Variants in NTN4 observed in about 807,000 individuals in gnomAD.
The protein encoded by NTN4 is netrin 4.
In NTN4, 32 loss-of-function variants were observed where a neutral mutation model predicts 73.6. The ratio of observed to expected loss-of-function variants is 0.44; its 90% CI spans 0.33 to 0.58. NTN4 has a LOEUF of 0.58. Among genes scored for constraint, NTN4 ranks in the 20% least tolerant of loss-of-function variants. NTN4 has a pLI of 0.04. For synonymous variants in NTN4, 258 were observed against 287.5 expected (o/e 0.90, Z 1.04); for missense variants, 654 against 798.3 (o/e 0.82, Z 2.18).
chr12:95,744,851 T>G (rs74597794), intron 2 of NTN4, among the ~76,000 whole-genome samples: 1 of 121,462 alleles, frequency 8.2e-6, no homozygotes, highest in Admixed American at 8.5e-5. Flanking sequence ...TTTTTTTTTT[T>G]GGCTTCTTTA....
chr12:95,660,432 ATGTT>A lies in NTN4; in HGVS notation c.1751-1214_1751-1211del, dbSNP rs145045786. 2.7e-3 allele frequency among the ~76,000 whole-genome samples: 408 copies of A among 152,216 alleles called. 3 individuals are homozygous for A. The highest frequency in any genetic ancestry group is 9.4e-3 in the African/African-American group (390 of 41,538). On this transcript the variant is annotated intron_variant, in intron 9 of 9. Transcript: ENST00000343702. ...AAAGCCTATGTGTTTTTGGAATAGG[ATGTT>A]TGTTTGTCATACATTAAAAAAAAAA...
At chr12:95,751,062 C>T (rs1277681214) in intron 2 of NTN4, among the ~76,000 whole-genome samples, 5 of 152,040 alleles carry the variant, frequency 3.3e-5, no homozygotes, top group African/African-American at 1.2e-4. Context: ...AACCCTGAGA[C>T]GCTTTACAGC....
intron 1 of NTN4, 50 bp from the exon 2 acceptor site, chr12:95,787,518 T>C: frequency 6.4e-7 from 1 of 1,569,738 alleles, no homozygotes; most frequent in Non-Finnish European, 8.7e-7. Flanking sequence ...TCTGGAAAGC[T>C]CTTTTGGCCA....
intron 5 of NTN4, among the ~76,000 whole-genome samples, chr12:95,693,745 A>G (rs1193336425): frequency 2.0e-5 from 3 of 149,604 alleles, no homozygotes; most frequent in African/African-American, 7.6e-5. Flanking sequence ...GAAAAAAAAA[A>G]AAAAAAGAAA....
At chr12:95,724,517 T>C (rs2078676511) in intron 3 of NTN4, among the ~76,000 whole-genome samples, 1 of 152,230 alleles carries the variant, frequency 6.6e-6, no homozygotes, top group South Asian at 2.1e-4. Flanking sequence ...GGCACTCTGA[T>C]TTTAAGACAT....
chr12:95,768,469 G>C (rs1470174954), intron 2 of NTN4, among the ~76,000 whole-genome samples: 1 of 152,058 alleles, frequency 6.6e-6, no homozygotes, highest in East Asian at 1.9e-4. Flanking sequence ...GAGGGTCAGA[G>C]AGTGAGAAAG....
At chr12:95,727,751 G>C (rs1038425744) in intron 3 of NTN4, among the ~76,000 whole-genome samples, 1 of 152,148 alleles carries the variant, frequency 6.6e-6, no homozygotes, top group Non-Finnish European at 1.5e-5. Flanking sequence ...CAACTTTGCT[G>C]TTCTTCAAGG....
intron 7 of NTN4, chr12:95,673,099 G>A (rs904696827): frequency 6.9e-5 from 84 of 1,223,568 alleles, no homozygotes; most frequent in Non-Finnish European, 3.7e-5. Flanking sequence ...GTCCCCAGGA[G>A]CACCCTCCTT....
Position 95,729,626 on chromosome 12 carries a change from A to AGTGTGT in NTN4, c.864+8239_864+8240insACACAC, listed in dbSNP as rs1174300161. Among the ~76,000 whole-genome samples, 51 of 122,590 alleles carry AGTGTGT rather than the reference A, an allele frequency of 4.2e-4. 1 individual carries two copies. Among genetic ancestry groups the AGTGTGT allele is most frequent in the African/African-American group, 1.0e-3 (29 of 27,800 alleles). 80.4% of individuals were successfully genotyped at this position (122,590 alleles called of 152,430 possible). A position where few individuals can be genotyped will look rare whatever the true frequency, so the allele number is the denominator to read the frequency against. ...GGAATTATTATAAAGAGAGAGAGAGAGAGAGAGTGTGTGTGTGTGTGTGTG... is the reference window on the plus strand; with the variant it reads ...GGAATTATTATAAAGAGAGAGAGAGAGTGTGTGAGAGAGTGTGTGTGTGTGTGTGTG... On this transcript the variant is annotated intron_variant, in intron 3 of 9. Transcript: ENST00000343702.
chr12:95,687,754 G>A (rs1457442749), intron 5 of NTN4, among the ~76,000 whole-genome samples: 1 of 152,100 alleles, frequency 6.6e-6, no homozygotes, highest in African/African-American at 2.4e-5. Flanking sequence ...TCTCTTACTA[G>A]TAGAGTCTGA....
intron 4 of NTN4, among the ~76,000 whole-genome samples, chr12:95,711,554 G>A (rs1282827318): frequency 6.6e-6 from 1 of 152,214 alleles, no homozygotes; most frequent in Admixed American, 6.5e-5. Flanking sequence ...ACAGAGCTTA[G>A]TAAGTTGGCA....
chr12:95,790,348 C>A lies in NTN4; in HGVS notation c.-39G>T, dbSNP rs1234512615. 2.0e-6 allele frequency: 3 copies of A among 1,503,840 alleles called. No homozygotes were observed. The highest frequency in any genetic ancestry group is 5.4e-5 in the East Asian group (2 of 37,098). 93.2% of individuals were successfully genotyped at this position (1,503,840 alleles called of 1,614,324 possible). A position where few individuals can be genotyped will look rare whatever the true frequency, so the allele number is the denominator to read the frequency against. On this transcript the variant is annotated 5_prime_UTR_variant, in exon 1 of 10. Transcript: ENST00000343702. This position sits in a 1 kb window ranked among gnomAD's most constrained non-coding sequence, Gnocchi z 6.5. Reference sequence around the variant, plus strand: ...CGGGAGCAGCCGGGCCGGGCGGGTGCCGGAGGGAGCCGAGACCTCTGGGCT... The same window carrying A: ...CGGGAGCAGCCGGGCCGGGCGGGTGACGGAGGGAGCCGAGACCTCTGGGCT...
chr12:95,700,502 G>T (rs1047450959), intron 5 of NTN4, among the ~76,000 whole-genome samples: 1 of 152,132 alleles, frequency 6.6e-6, no homozygotes, highest in African/African-American at 2.4e-5. Flanking sequence ...CCCACAGCCA[G>T]GTTTGGGAAC....
intron 2 of NTN4, among the ~76,000 whole-genome samples, chr12:95,769,679 G>A (rs1036174561): frequency 1.3e-5 from 2 of 151,142 alleles, no homozygotes; most frequent in African/African-American, 4.9e-5. Flanking sequence ...ATGAATGGTT[G>A]AAGTATGGAC....
chr12:95,672,758 C>T, intron 7 of NTN4: 1 of 1,344,670 alleles, frequency 7.4e-7, no homozygotes, highest in Non-Finnish European at 1.1e-6. Flanking sequence ...CAGCTATCCT[C>T]CTGTGAGAGT....
At chr12:95,750,096 G>A (rs552712463) in intron 2 of NTN4, among the ~76,000 whole-genome samples, 44 of 151,872 alleles carry the variant, frequency 2.9e-4, no homozygotes, top group Admixed American at 5.2e-4. Context: ...GTATCTCTGC[G>A]CCCCAATCCC....
intron 3 of NTN4, among the ~76,000 whole-genome samples, chr12:95,714,024 T>C (rs2078587184): frequency 2.0e-5 from 3 of 152,144 alleles, no homozygotes; most frequent in Non-Finnish European, 4.4e-5. Flanking sequence ...ATATTGAAAA[T>C]ATGTGTATTG....
intron 5 of NTN4, among the ~76,000 whole-genome samples, chr12:95,695,924 C>T (rs2078437821): frequency 6.6e-6 from 1 of 151,540 alleles, no homozygotes; most frequent in African/African-American, 2.4e-5. Flanking sequence ...CCCTCCCTCC[C>T]TCTTTTCTTT....
chr12:95,784,933 G>C (rs1475845148), intron 2 of NTN4, among the ~76,000 whole-genome samples: 1 of 152,166 alleles, frequency 6.6e-6, no homozygotes, highest in Non-Finnish European at 1.5e-5. Flanking sequence ...AAAAAGACAA[G>C]ACTGTATTTC....
Sources: allele counts gnomAD v4.1 joint callset (sites outside exome capture counted in the v4.1 genomes callset), GRCh38; gene constraint gnomAD v4.1.1; non-coding constraint Gnocchi (gnomAD v3.1); transcripts MANE v1.5; gene names NCBI Gene and HGNC (gene_info 2026-07-23, HGNC 2026-07-21).